SEMA3A: variants seen among roughly 807,000 people sequenced by gnomAD.
The protein encoded by SEMA3A is semaphorin 3A.
SEMA3A carries 29 observed loss-of-function variants against 97.9 expected under a neutral mutation model. That is an observed-to-expected ratio of 0.30 (90% CI 0.22 to 0.40). SEMA3A has a LOEUF of 0.40. Among genes scored for constraint, SEMA3A ranks in the 10% least tolerant of loss-of-function variants. SEMA3A has a pLI of 1.00. For missense variants in SEMA3A, 763 were observed against 951.3 expected, an observed-to-expected ratio of 0.80 and a Z score of 2.60; for synonymous variants, 321 against 323.7, an observed-to-expected ratio of 0.99 and a Z score of 0.09.
intron 1 of SEMA3A, among the ~76,000 whole-genome samples, chr7:84,477,963 T>A (rs1324001937): frequency 6.6e-6 from 1 of 152,220 alleles, no homozygotes; most frequent in Non-Finnish European, 1.5e-5. Context: ...CTTCCTCCTA[T>A]GTTAGGTAAC....
intron 1 of SEMA3A, among the ~76,000 whole-genome samples, chr7:84,379,951 A>G (rs1185620893): frequency 3.3e-5 from 5 of 152,150 alleles, no homozygotes; most frequent in Non-Finnish European, 5.9e-5. Flanking sequence ...TTTTAATTCA[A>G]ATATTAAAAA....
intron 3 of SEMA3A, among the ~76,000 whole-genome samples, chr7:84,289,839 C>T (rs975984471): frequency 1.4e-4 from 21 of 151,952 alleles, no homozygotes; most frequent in African/African-American, 4.4e-4. Context: ...TAGTACTACT[C>T]ACAATAACCA....
intron 3 of SEMA3A, among the ~76,000 whole-genome samples, chr7:84,251,466 G>T (rs928965069): frequency 6.6e-6 from 1 of 152,130 alleles, no homozygotes; most frequent in African/African-American, 2.4e-5. Context: ...TAAGCAGCAG[G>T]TTCTCATTTA....
At chr7:84,203,130 T>C (rs1010904132) in intron 3 of SEMA3A, among the ~76,000 whole-genome samples, 1 of 152,142 alleles carries the variant, frequency 6.6e-6, no homozygotes, top group Non-Finnish European at 1.5e-5. Flanking sequence ...AGATTTTGCA[T>C]TAGGGACTCA....
At chr7:84,153,184 A>G (rs1436125736) in intron 1 of SEMA3A, among the ~76,000 whole-genome samples, 7 of 152,160 alleles carry the variant, frequency 4.6e-5, no homozygotes, top group African/African-American at 1.7e-4. Flanking sequence ...GTCAAGAACC[A>G]GTAAGTGATA....
intron 3 of SEMA3A, among the ~76,000 whole-genome samples, chr7:84,277,462 T>TA (rs1800332897): frequency 6.6e-6 from 1 of 152,144 alleles, no homozygotes; most frequent in South Asian, 2.1e-4. Context: ...GGTTGCTACA[T>TA]ACTTTCGACG....
chr7:84,175,268 C>G (rs1029020447), intron 1 of SEMA3A, among the ~76,000 whole-genome samples: 1 of 152,144 alleles, frequency 6.6e-6, no homozygotes, highest in Non-Finnish European at 1.5e-5. Context: ...TTCATAGAAT[C>G]AATTCTGGCC....
intron 1 of SEMA3A, among the ~76,000 whole-genome samples, chr7:84,155,796 A>C (rs2116143959): frequency 6.6e-6 from 1 of 152,274 alleles, no homozygotes; most frequent in South Asian, 2.1e-4. Flanking sequence ...TCAAAGTAAT[A>C]TAATTTTCAG....
intron 5 of SEMA3A, among the ~76,000 whole-genome samples, chr7:84,056,717 A>G (rs1348188123): frequency 6.6e-6 from 1 of 152,200 alleles, no homozygotes; most frequent in East Asian, 1.9e-4. Flanking sequence ...CCTTCTCTAT[A>G]TCAATAAATA....
intron 1 of SEMA3A, among the ~76,000 whole-genome samples, chr7:84,391,083 C>T (rs532287744): frequency 3.3e-5 from 5 of 152,104 alleles, no homozygotes; most frequent in East Asian, 3.9e-4. Context: ...TGTTTGTTTG[C>T]GAAGTTGAAG....
intron 1 of SEMA3A, among the ~76,000 whole-genome samples, chr7:84,463,923 C>G (rs987313380): frequency 3.9e-5 from 6 of 152,198 alleles, no homozygotes; most frequent in South Asian, 2.1e-4. Flanking sequence ...GGGACAAGGT[C>G]CGTACCTGAT....
At chr7:84,125,672 A>G (rs1036870007) in intron 3 of SEMA3A, among the ~76,000 whole-genome samples, 7 of 152,214 alleles carry the variant, frequency 4.6e-5, no homozygotes, top group Non-Finnish European at 1.0e-4. Context: ...AACCGCAAGA[A>G]TCCCTTAGTT....
intron 6 of SEMA3A, among the ~76,000 whole-genome samples, chr7:84,025,416 G>A (rs1396112037): frequency 6.6e-6 from 1 of 152,040 alleles, no homozygotes; most frequent in Non-Finnish European, 1.5e-5. Context: ...GAAAACAAAA[G>A]CCCCAAAGAA....
intron 1 of SEMA3A, among the ~76,000 whole-genome samples, chr7:84,146,684 G>A (rs947934583): frequency 3.3e-5 from 5 of 152,150 alleles, no homozygotes; most frequent in Middle Eastern, 3.2e-3. Flanking sequence ...TCGGTCACTC[G>A]TTTTTGTGTG....
chr7:84,113,198 T>G (rs768485458), intron 3 of SEMA3A, among the ~76,000 whole-genome samples: 41 of 152,144 alleles, frequency 2.7e-4, no homozygotes, highest in South Asian at 6.2e-4. Flanking sequence ...AGGAGACTCA[T>G]CGAAAACAAT....
chr7:84,016,364 C>T (rs1791098536), intron 6 of SEMA3A, among the ~76,000 whole-genome samples: 2 of 151,892 alleles, frequency 1.3e-5, no homozygotes, highest in African/African-American at 4.8e-5. Context: ...ACGGTGAAAG[C>T]CTGTCTCTAC....
At chr7:84,212,448 TTGATTCACTGATCACAA>T (rs1190931606) in intron 3 of SEMA3A, among the ~76,000 whole-genome samples, 1 of 152,234 alleles carries the variant, frequency 6.6e-6, no homozygotes, top group African/African-American at 2.4e-5. Context: ...CTAACAGAAA[TTGATTCACTGATCACAA>T]TGTAATATTA....
At chr7:84,278,199 T>A (rs1286777773) in intron 3 of SEMA3A, among the ~76,000 whole-genome samples, 1 of 152,112 alleles carries the variant, frequency 6.6e-6, no homozygotes, top group East Asian at 1.9e-4. Flanking sequence ...ACAGCCAAGT[T>A]TTTTGCTGAA....
chr7:84,145,649 A>T (rs993531034), intron 1 of SEMA3A, among the ~76,000 whole-genome samples: 1 of 152,122 alleles, frequency 6.6e-6, no homozygotes, highest in Non-Finnish European at 1.5e-5. Context: ...CAGCACTGTT[A>T]TGGTTGTTTT....
Sources: allele counts gnomAD v4.1 joint callset (sites outside exome capture counted in the v4.1 genomes callset), GRCh38; gene constraint gnomAD v4.1.1; transcripts MANE v1.5; gene names NCBI Gene and HGNC (gene_info 2026-07-23, HGNC 2026-07-21).